The following LITAF variants were observed in gnomAD, a reference collection of about 807,000 sequenced individuals.
LITAF encodes lipopolysaccharide induced TNF factor, also known as lipopolysaccharide-induced tumor necrosis factor-alpha factor.
LITAF carries 9 observed loss-of-function variants against 14.5 expected under a neutral mutation model. That is an observed-to-expected ratio of 0.62 (90% CI 0.37 to 1.08). The LOEUF is 1.08. Among genes scored for constraint, LITAF ranks in the 50% least tolerant of loss-of-function variants. LITAF has a pLI of 0.01. For synonymous variants in LITAF, 98 were observed against 88.2 expected (o/e 1.11, Z -0.62); for missense variants, 206 against 213.4 (o/e 0.97, Z 0.22).
At chr16:11,564,868 A>C (rs2064426796) in intron 1 of LITAF, among the ~76,000 whole-genome samples, 1 of 152,024 alleles carries the variant, frequency 6.6e-6, no homozygotes, top group Non-Finnish European at 1.5e-5. Context: ...AAAGCACATC[A>C]CTGGTGGCCA....
upstream of LITAF, among the ~76,000 whole-genome samples, chr16:11,589,061 G>A (rs763931381): frequency 3.9e-5 from 6 of 152,186 alleles, no homozygotes; most frequent in South Asian, 2.1e-4. Context: ...CACTTACCAC[G>A]GCTGTGAGCT....
At chr16:11,600,805 T>C (rs921846440), upstream of LITAF, among the ~76,000 whole-genome samples, 1 of 152,142 alleles carries the variant, frequency 6.6e-6, no homozygotes, top group Non-Finnish European at 1.5e-5. The surrounding 1 kb of genome is among the most constrained non-coding windows in gnomAD (Gnocchi z 4.1). Context: ...CCCTCTCCGC[T>C]GAAAGCCGTT....
rs758166691 is a variant in LITAF, at chr16:11,556,596, C to T, written c.135G>A (p.Thr45=). Residue 45 remains threonine (T), a synonymous_variant, in exon 2 of 4, where the codon ACG becomes ACA. Coordinates refer to ENST00000622633, the MANE Select transcript of LITAF (RefSeq NM_001136472.2). Reference sequence around the variant, plus strand: ...TCCCATCAGGCCCCGTCACAAGCCCCGTAGTTGGCCCAGGCATGGGAGCTG... The same window carrying T: ...TCCCATCAGGCCCCGTCACAAGCCCTGTAGTTGGCCCAGGCATGGGAGCTG... ...TPPAPMPGPT[T]GLVTGPDGKG... is the part of the protein sequence containing the mutation. 154 of 1,614,006 alleles carry T rather than the reference C, an allele frequency of 9.5e-5. No homozygotes were observed. The highest frequency in any genetic ancestry group is 1.6e-4 in the Middle Eastern group (1 of 6,084).
chr16:11,592,579 G>GAAAAA (rs71136669), intron 1 of LITAF, among the ~76,000 whole-genome samples: 1 of 137,400 alleles, frequency 7.3e-6, no homozygotes. Context: ...TGTCTCAAAA[G>GAAAAA]AAAAAAAAAA....
chr16:11,571,206 T>C lies in LITAF; in HGVS notation c.-5-14471A>G, dbSNP rs369265900. ...CCCCAGCCTTCTGAGTAGCTGGGAT[T>C]ACAGGCACCCAACACCATGCCTGGC... On this transcript the variant is annotated intron_variant, in intron 1 of 3. Transcript: ENST00000622633. Among the ~76,000 whole-genome samples the C allele has an allele frequency of 1.1e-3, 163 of 152,282 alleles. 1 individual carries two copies. The South Asian group carries it at 0.033, about 31-fold the overall frequency.
intron 1 of LITAF, among the ~76,000 whole-genome samples, chr16:11,597,191 G>A (rs960469216): frequency 1.1e-4 from 17 of 152,140 alleles, no homozygotes; most frequent in African/African-American, 1.7e-4. Flanking sequence ...ATTCTGGTTA[G>A]GAGCAGGGGA....
chr16:11,569,951 A>T (rs1335446491), intron 1 of LITAF, among the ~76,000 whole-genome samples: 3 of 151,788 alleles, frequency 2.0e-5, no homozygotes, highest in Non-Finnish European at 4.4e-5. Flanking sequence ...GAATTGCTTG[A>T]ACCTGGGAAG....
At chr16:11,618,252 G>C (rs1212601034) in intron 3 of LITAF, among the ~76,000 whole-genome samples, 1 of 152,192 alleles carries the variant, frequency 6.6e-6, no homozygotes, top group African/African-American at 2.4e-5. Context: ...CCCCTTGGAA[G>C]AGACATTCCG....
At chr16:11,555,431 T>C (rs1025167443) in intron 2 of LITAF, among the ~76,000 whole-genome samples, 2 of 151,666 alleles carry the variant, frequency 1.3e-5, no homozygotes, top group African/African-American at 4.8e-5. Flanking sequence ...CCAAGGGAGG[T>C]GGGAAGATCG....
intron 1 of LITAF, among the ~76,000 whole-genome samples, chr16:11,574,396 C>A (rs964433462): frequency 6.6e-6 from 1 of 152,110 alleles, no homozygotes; most frequent in South Asian, 2.1e-4. Context: ...ACATAAGAAA[C>A]TTAACGGTCG....
chr16:11,553,434 G>C lies in LITAF; in HGVS notation c.377+99C>G. Reference sequence around the variant, plus strand: ...TCAAAAAAAAACAACACAAATGTCTGGCCCTGAATGTCAAGCATGGTGCAG... The same window carrying C: ...TCAAAAAAAAACAACACAAATGTCTCGCCCTGAATGTCAAGCATGGTGCAG... On this transcript the variant is annotated intron_variant, in intron 3 of 3. Coordinates refer to ENST00000622633, the MANE Select transcript of LITAF (RefSeq NM_001136472.2). The surrounding 1 kb of genome is among the most constrained non-coding windows in gnomAD (Gnocchi z 7.7). The C allele has an allele frequency of 7.9e-7, 1 of 1,271,552 alleles. No individual in the cohort carries two copies. The highest frequency in any genetic ancestry group is 1.1e-6 in the Non-Finnish European group (1 of 893,676). The allele number at this position is 1,271,552 out of a possible 1,614,324, so 78.8% of individuals were successfully genotyped here. A position where few individuals can be genotyped will look rare whatever the true frequency, so the allele number is the denominator to read the frequency against.
chr16:11,608,237 C>G (rs868241486), intron 3 of LITAF, among the ~76,000 whole-genome samples: 2 of 152,122 alleles, frequency 1.3e-5, no homozygotes, highest in African/African-American at 4.8e-5. Flanking sequence ...CAAGCACAGC[C>G]CAGGATAAAG....
intron 3 of LITAF, among the ~76,000 whole-genome samples, chr16:11,616,081 G>A (rs1293867223): frequency 6.6e-6 from 1 of 152,144 alleles, no homozygotes; most frequent in Non-Finnish European, 1.5e-5. Context: ...CTGGGAGGTG[G>A]GGCACCCCAA....
rs1324987538 is a variant in LITAF, at chr16:11,549,096, G to T, written c.*541C>A. The T allele has an allele frequency of 2.2e-6, 1 of 454,006 alleles. No homozygotes were observed. The highest frequency in any genetic ancestry group is 6.9e-5 in the East Asian group (1 of 14,390). 28.1% of individuals were successfully genotyped at this position (454,006 alleles called of 1,614,324 possible). A position where few individuals can be genotyped will look rare whatever the true frequency, so the allele number is the denominator to read the frequency against. On this transcript the variant is annotated 3_prime_UTR_variant, in exon 4 of 4. Coordinates refer to ENST00000622633, the MANE Select transcript of LITAF (RefSeq NM_001136472.2). The surrounding 1 kb of genome is among the most constrained non-coding windows in gnomAD (Gnocchi z 4.6). ...AATTAAAGTGAATCTGTGTGCTAAT[G>T]AAGTCTGCAGTTACAGAATCTCAAA... is the stretch of plus-strand genomic sequence containing the variant.
upstream of LITAF, among the ~76,000 whole-genome samples, chr16:11,637,976 A>ATATATATCTATATATATCTATATATATC (rs2065146728): frequency 5.3e-5 from 2 of 37,386 alleles, no homozygotes; most frequent in Admixed American, 2.3e-4. Flanking sequence ...CTATATATCT[A>ATATATATCTATATATATCTATATATATC]TATATATCTA....
chr16:11,603,339 G>A (rs564409680), upstream of LITAF, among the ~76,000 whole-genome samples: 10 of 152,356 alleles, frequency 6.6e-5, no homozygotes, highest in African/African-American at 2.4e-4. Flanking sequence ...GGGCGGTGCT[G>A]TTTGAGCTGT....
At position 11,547,964 on chromosome 16, in the gene LITAF, C is replaced by T. The variant is rs1399085703; in HGVS notation, c.*1673G>A. On this transcript the variant is annotated 3_prime_UTR_variant, in exon 4 of 4. Transcript: ENST00000622633. ...GCAATGGCTGGAAATGCAACATGAGCCCTTTCTTCACACCAAAAGAACTCA... is the reference window on the plus strand; with the variant it reads ...GCAATGGCTGGAAATGCAACATGAGTCCTTTCTTCACACCAAAAGAACTCA... 2.2e-6 allele frequency: 1 copy of T among 454,066 alleles called. No homozygotes were observed. The highest frequency in any genetic ancestry group is 1.6e-5 in the South Asian group (1 of 64,474). 28.1% of individuals were successfully genotyped at this position (454,066 alleles called of 1,614,324 possible).
intron 2 of LITAF, among the ~76,000 whole-genome samples, chr16:11,555,485 C>T (rs2064253343): frequency 6.6e-6 from 1 of 151,936 alleles, no homozygotes; most frequent in African/African-American, 2.4e-5. Context: ...AACAGTGAGA[C>T]CCGATTTACA....
upstream of LITAF, among the ~76,000 whole-genome samples, chr16:11,638,330 G>C (rs1183123792): frequency 6.6e-6 from 1 of 151,742 alleles, no homozygotes; most frequent in Non-Finnish European, 1.5e-5. Flanking sequence ...GATAGTGCTT[G>C]CCTTCACATG....
Sources: gnomAD v4.1 joint callset for allele counts (sites outside exome capture counted in the v4.1 genomes callset) on GRCh38, gnomAD v4.1.1 for gene constraint, Gnocchi (gnomAD v3.1) non-coding constraint, MANE v1.5 for transcripts, NCBI Gene and HGNC (gene_info 2026-07-23, HGNC 2026-07-21) for gene names.